ATG16L1: variants seen among roughly 807,000 people sequenced by gnomAD.
ATG16L1 encodes the protein autophagy-related protein 16-1.
ATG16L1 carries 37 observed loss-of-function variants against 88.5 expected under a neutral mutation model. The ratio of observed to expected loss-of-function variants is 0.42; its 90% confidence interval spans 0.32 to 0.55. The LOEUF is 0.55. ATG16L1 is among the 20% of genes least tolerant of loss of function. The probability of loss-of-function intolerance (pLI) is 0.13; values close to 1 mark genes in which losing one functional copy is unlikely to be tolerated. For synonymous variants in ATG16L1, 301 were observed against 281.0 expected (o/e 1.07, Z -0.71); for missense variants, 554 against 752.8 (o/e 0.74, Z 3.09).
chr2:233,276,065 A>T (rs1574876434), intron 9 of ATG16L1: 1 of 458,934 alleles, frequency 2.2e-6, no homozygotes, highest in East Asian at 5.8e-5. Flanking sequence ...AGGTTTGGTC[A>T]CCTGTCATAC....
chr2:233,256,216 A>G (rs1436824377), intron 2 of ATG16L1, 21 bp downstream of exon 2: 5 of 1,588,954 alleles, frequency 3.1e-6, no homozygotes, highest in Non-Finnish European at 4.3e-6. Context: ...ACTAACTTGT[A>G]TTATTTATGT....
Position 233,256,213 on chromosome 2 carries a change from T to G in ATG16L1, c.209+18T>G. ...GAGATAAGGTATTTTGAAACTAACT[T>G]GTATTATTTATGTCTCCTCTAAGGA... On this transcript the variant is annotated intron_variant, in intron 2 of 17. Transcript: ENST00000392017. 6.3e-7 allele frequency: 1 copy of G among 1,599,908 alleles called. No individual in the cohort carries two copies. Among genetic ancestry groups the G allele is most frequent in the Non-Finnish European group, 8.6e-7 (1 of 1,167,882 alleles).
At chr2:233,289,408 T>TGTGTGTGTGTGTGAGAGAGAGAGAGA (rs144316394) in intron 12 of ATG16L1, among the ~76,000 whole-genome samples, 1 of 149,654 alleles carries the variant, frequency 6.7e-6, no homozygotes, top group African/African-American at 2.5e-5. Context: ...TGTGTGTGTG[T>TGTGTGTGTGTGTGAGAGAGAGAGAGA]GACAGGATCT....
chr2:233,253,331 G>GT (rs1247381726), intron 1 of ATG16L1, among the ~76,000 whole-genome samples: 53 of 102,798 alleles, frequency 5.2e-4, no homozygotes, highest in African/African-American at 1.6e-3. Context: ...GGTGAGACTG[G>GT]GTTTTTTTGT....
intron 17 of ATG16L1, 63 bp downstream of exon 17, chr2:233,293,420 G>C: frequency 6.9e-7 from 1 of 1,451,088 alleles, no homozygotes; most frequent in Non-Finnish European, 9.7e-7. Context: ...CTTCATCTCA[G>C]GGGTCATCCG....
intron 12 of ATG16L1, among the ~76,000 whole-genome samples, chr2:233,286,643 T>TTTTTTTTTG (rs1553608374): frequency 6.5e-5 from 9 of 138,942 alleles, no homozygotes; most frequent in African/African-American, 1.4e-4. Context: ...TTTTTTTTTT[T>TTTTTTTTTG]GAGACAGTGT....
intron 12 of ATG16L1, among the ~76,000 whole-genome samples, chr2:233,288,308 T>C (rs1289425948): frequency 6.6e-6 from 1 of 152,192 alleles, no homozygotes; most frequent in African/African-American, 2.4e-5. Flanking sequence ...CCATGAGGTC[T>C]CATCTTTGGG....
intron 2 of ATG16L1, 69 bp from the exon 3 acceptor site, chr2:233,263,061 G>A (rs1460914211): frequency 1.2e-5 from 16 of 1,336,690 alleles, no homozygotes; most frequent in Non-Finnish European, 1.7e-5. Flanking sequence ...AATTGGAAAG[G>A]TTTGGAGTCT....
At chr2:233,276,521 C>G (rs754030621) in intron 9 of ATG16L1, among the ~76,000 whole-genome samples, 1 of 152,166 alleles carries the variant, frequency 6.6e-6, no homozygotes. Context: ...GTTATCCAGG[C>G]GGGAGTACAG....
chr2:233,289,023 C>T (rs539828468), intron 12 of ATG16L1: 4 of 440,576 alleles, frequency 9.1e-6, no homozygotes, highest in Non-Finnish European at 1.8e-5. Flanking sequence ...CCTGTGGTGA[C>T]CTTGTCTAGT....
In ATG16L1 at chr2:233,269,583, GA is replaced by G. The variant is rs557626603; in HGVS notation, c.642-416del. 3.3e-5 allele frequency among the ~76,000 whole-genome samples: 5 copies of G among 152,308 alleles called. 1 individual carries two copies. The highest frequency in any genetic ancestry group is 2.6e-4 in the Admixed American group (4 of 15,300). ...AAAACTTCAAAATCTGAGAAAATTC[GA>G]AATCTGAAACACTGGTAGTCCCAAA... On this transcript the variant is annotated intron_variant, in intron 5 of 17. Transcript: ENST00000392017.
At chr2:233,292,558 C>T in intron 16 of ATG16L1, 124 bp downstream of exon 16, 1 of 1,194,940 alleles carries the variant, frequency 8.4e-7, no homozygotes, top group Non-Finnish European at 1.2e-6. Context: ...AGGAGTGTGC[C>T]TGTAAGTTCA....
At chr2:233,279,052 C>T (rs543405941) in intron 10 of ATG16L1, among the ~76,000 whole-genome samples, 8 of 152,268 alleles carry the variant, frequency 5.3e-5, no homozygotes, top group African/African-American at 1.7e-4. Flanking sequence ...TTGGCATGCA[C>T]TTGCAGTCCC....
intron 14 of ATG16L1, 57 bp from the exon 15 acceptor site, chr2:233,292,071 A>G: frequency 6.3e-7 from 1 of 1,582,006 alleles, no homozygotes; most frequent in Non-Finnish European, 8.6e-7. Context: ...CCTCCACGGC[A>G]TGATGTGAAG....
At position 233,251,697 on chromosome 2, in the gene ATG16L1, A is replaced by C; in HGVS notation, c.-131A>C. 2.6e-6 allele frequency: 2 copies of C among 763,958 alleles called. No individual in the cohort carries two copies. The highest frequency in any genetic ancestry group is 1.6e-5 in the South Asian group (1 of 64,282). 47.3% of individuals were successfully genotyped at this position (763,958 alleles called of 1,614,324 possible). A position where few individuals can be genotyped will look rare whatever the true frequency, so the allele number is the denominator to read the frequency against. On this transcript the variant is annotated 5_prime_UTR_variant, in exon 1 of 18. Coordinates refer to ENST00000392017, the MANE Select transcript of ATG16L1 (RefSeq NM_030803.7). The stretch of plus-strand genomic sequence containing the variant: ...AAGACCGTCCCGGATGGCCTCGGGG[A>C]CTGCCAGTGTGTGGAGGTGAGCTCC...
At chr2:233,262,752 G>A (rs1485796306) in intron 2 of ATG16L1, among the ~76,000 whole-genome samples, 7 of 152,130 alleles carry the variant, frequency 4.6e-5, no homozygotes, top group South Asian at 2.1e-4. Context: ...GACCTCACAC[G>A]TGCTCTCAGT....
At position 233,294,241 on chromosome 2, in the gene ATG16L1, G is replaced by C. The variant is rs368494590; in HGVS notation, c.1731-16G>C. 125 of 1,573,386 alleles carry C rather than the reference G, an allele frequency of 7.9e-5. No homozygotes were observed. In the African/African-American group the frequency reaches 1.5e-3, roughly 19 times the overall value. ...ATGTTCTGAAACTTGGTGCTTTTCT[G>C]ATCTCTCCTTTGAAGCTCATCCATC... On this transcript the variant is annotated splice_polypyrimidine_tract_variant and intron_variant, in intron 17 of 17. Coordinates refer to ENST00000392017, the MANE Select transcript of ATG16L1 (RefSeq NM_030803.7).
In ATG16L1 at chr2:233,277,649, G is replaced by C; in HGVS notation, c.1036G>C (p.Val346Leu). The C allele has an allele frequency of 6.2e-7, 1 of 1,614,020 alleles. No individual in the cohort carries two copies. Among genetic ancestry groups the C allele is most frequent in the Non-Finnish European group, 8.5e-7 (1 of 1,179,912 alleles). Residue 346 changes from valine to leucine, a missense_variant, in exon 10 of 18, where the codon GTT becomes CTT. Val to Leu is a conservative substitution (Grantham distance 32). This residue lies in a region of ATG16L1 where 370 missense variants were observed against 509.7 expected (regional missense o/e 0.73). Coordinates refer to ENST00000392017, the MANE Select transcript of ATG16L1 (RefSeq NM_030803.7). ...LLATGGMDRR[V>L]KLWEVFGEKC... The stretch of plus-strand genomic sequence containing the variant: ...GGCCACTGGAGGCATGGACCGCAGG[G>C]TTAAGCTTTGGGAAGTATTTGGAGG...
intron 9 of ATG16L1, among the ~76,000 whole-genome samples, chr2:233,276,293 G>A (rs1394349396): frequency 1.3e-5 from 2 of 152,064 alleles, no homozygotes; most frequent in African/African-American, 4.8e-5. Context: ...GATAGTCTAT[G>A]TTTTCTAGTC....
Sources: allele counts gnomAD v4.1 joint callset (sites outside exome capture counted in the v4.1 genomes callset), GRCh38; gene constraint gnomAD v4.1.1; regional missense constraint gnomAD v4.1.1; transcripts MANE v1.5; gene names NCBI Gene and HGNC (gene_info 2026-07-23, HGNC 2026-07-21).